ENTPD1: variants seen among roughly 807,000 people sequenced by gnomAD.
The protein encoded by ENTPD1 is ectonucleoside triphosphate diphosphohydrolase 1.
A neutral mutation model predicts 57.0 loss-of-function variants in ENTPD1; 33 were observed. The ratio of observed to expected loss-of-function variants is 0.58; its 90% confidence interval spans 0.44 to 0.77. ENTPD1 has a LOEUF of 0.77. ENTPD1 is among the 30% of genes least tolerant of loss of function. ENTPD1 has a pLI of 0.00. For synonymous variants in ENTPD1, 202 were observed against 218.8 expected (o/e 0.92, Z 0.68); for missense variants, 501 against 603.4 (o/e 0.83, Z 1.78).
intron 3 of ENTPD1, among the ~76,000 whole-genome samples, chr10:95,841,338 G>C (rs990650162): frequency 6.6e-6 from 1 of 151,980 alleles, no homozygotes; most frequent in Non-Finnish European, 1.5e-5. Flanking sequence ...AGTTAGCCGA[G>C]ATCGCGCCAC....
rs951162557 is a variant in ENTPD1, at chr10:95,876,439, G to C, written c.*10056G>C. 8.1e-7 allele frequency: 1 copy of C among 1,231,202 alleles called. No individual in the cohort carries two copies. 76.3% of individuals were successfully genotyped at this position (1,231,202 alleles called of 1,614,324 possible). On this transcript the variant is annotated 3_prime_UTR_variant, in exon 10 of 10. Transcript: ENST00000371205. The stretch of plus-strand genomic sequence containing the variant: ...TTTCTCCTCGGTTCTGCAATCTATA[G>C]GCATACCATAATTGTAATCAATAGC...
chr10:95,708,485 T>C (rs977744172), upstream of ENTPD1, among the ~76,000 whole-genome samples: 2 of 152,230 alleles, frequency 1.3e-5, no homozygotes, highest in Non-Finnish European at 2.9e-5. Context: ...GTGCTGGGAT[T>C]ACAGGCATGA....
chr10:95,839,335 TA>T, intron 2 of ENTPD1: 1 of 322,608 alleles, frequency 3.1e-6, no homozygotes, highest in South Asian at 2.9e-5. Context: ...TTGGGGACTA[TA>T]GATTAATGGC....
chr10:95,816,242 A>T (rs931462963), intron 1 of ENTPD1, among the ~76,000 whole-genome samples: 1 of 152,174 alleles, frequency 6.6e-6, no homozygotes. Context: ...ATAACTGTCA[A>T]ACCATCACCT....
rs1447601807 is a variant in ENTPD1 at position 95,868,212 on chromosome 10, C to A, written c.*1829C>A. The A allele has an allele frequency of 1.0e-6, 1 of 985,356 alleles. No individual in the cohort carries two copies. The allele number at this position is 985,356 out of a possible 1,614,324, so 61.0% of individuals were successfully genotyped here. A position where few individuals can be genotyped will look rare whatever the true frequency, so the allele number is the denominator to read the frequency against. ...GCCCAAATGGCTGAGCCAAAGCCTA[C>A]CATGTACCTAACCTTTATTTTCTTT... is the stretch of plus-strand genomic sequence containing the variant. On this transcript the variant is annotated 3_prime_UTR_variant, in exon 10 of 10. Transcript: ENST00000371205.
At position 95,819,250 on chromosome 10, in the gene ENTPD1, G is replaced by A. The variant is rs532895094; in HGVS notation, c.17-3987G>A. 2.0e-5 allele frequency among the ~76,000 whole-genome samples: 3 copies of A among 152,190 alleles called. No individual in the cohort carries two copies. The South Asian group carries it at 6.2e-4, about 32-fold the overall frequency. On this transcript the variant is annotated intron_variant, in intron 1 of 9. Transcript: ENST00000371205. The stretch of plus-strand genomic sequence containing the variant: ...GTGATCTTGGCTCACTACAACCTCG[G>A]TGTCCTGGGCTCAAGCGATCCTCTC...
Position 95,771,589 on chromosome 10 carries a change from G to T in ENTPD1, c.16+15334G>T, listed in dbSNP as rs2098116069. ...TATAGCATTTCAGCCTCCTTTTAGT[G>T]ATGTCCCGTATGACTCCTTGGACCT... On this transcript the variant is annotated intron_variant, in intron 1 of 9. Coordinates refer to ENST00000371205, the MANE Select transcript of ENTPD1 (RefSeq NM_001776.6). Among the ~76,000 whole-genome samples the T allele has an allele frequency of 2.6e-5, 4 of 152,206 alleles. No homozygotes were observed. The South Asian group carries it at 8.3e-4, about 32-fold the overall frequency.
In ENTPD1 at chr10:95,872,730, T is replaced by G; in HGVS notation, c.*6347T>G. On this transcript the variant is annotated 3_prime_UTR_variant, in exon 10 of 10. Transcript: ENST00000371205. ...CCTCCCTGTCCACTGCCAGGCCGAC[T>G]ACAAACCCTTCTGTTGCTGGCGAGC... is the stretch of plus-strand genomic sequence containing the variant. The G allele has an allele frequency of 1.0e-6, 1 of 985,452 alleles. No homozygotes were observed. Among genetic ancestry groups the G allele is most frequent in the Non-Finnish European group, 1.2e-6 (1 of 829,930 alleles). The allele number at this position is 985,452 out of a possible 1,614,324, so 61.0% of individuals were successfully genotyped here. A position where few individuals can be genotyped will look rare whatever the true frequency, so the allele number is the denominator to read the frequency against.
intron 1 of ENTPD1, among the ~76,000 whole-genome samples, chr10:95,776,902 C>T (rs1425509580): frequency 6.6e-6 from 1 of 152,152 alleles, no homozygotes; most frequent in Non-Finnish European, 1.5e-5. Context: ...ATCACTGATA[C>T]CCTTTCTTCC....
At chr10:95,709,220 CT>C (rs2097963691), upstream of ENTPD1, among the ~76,000 whole-genome samples, 3 of 152,168 alleles carry the variant, frequency 2.0e-5, no homozygotes, top group African/African-American at 7.2e-5. Flanking sequence ...ACCCACCAAT[CT>C]TCAAGATTTC....
At chr10:95,718,948 G>A (rs954940807) in intron 1 of ENTPD1, among the ~76,000 whole-genome samples, 8 of 152,222 alleles carry the variant, frequency 5.3e-5, no homozygotes, top group African/African-American at 1.9e-4. Context: ...AGTTGCACAA[G>A]TGTGCAGTTG....
chr10:95,829,268 C>T (rs1387764514), intron 2 of ENTPD1, among the ~76,000 whole-genome samples: 1 of 152,150 alleles, frequency 6.6e-6, no homozygotes, highest in Non-Finnish European at 1.5e-5. Context: ...GCCACTGAGG[C>T]TTGATCCTCC....
chr10:95,765,756 C>T (rs559590230), intron 1 of ENTPD1, among the ~76,000 whole-genome samples: 2 of 152,266 alleles, frequency 1.3e-5, no homozygotes, highest in South Asian at 4.1e-4. Context: ...ATTGCATCAA[C>T]TGTAAATCTA....
At chr10:95,736,744 C>T (rs1483067614) in intron 1 of ENTPD1, among the ~76,000 whole-genome samples, 2 of 152,134 alleles carry the variant, frequency 1.3e-5, no homozygotes, top group Non-Finnish European at 2.9e-5. Context: ...TTCATTTATG[C>T]ACATCGGGGG....
rs1013083505 is a variant in ENTPD1, at chr10:95,874,420, T to C, written c.*8037T>C. Among the ~76,000 whole-genome samples, 1 of 152,206 alleles carries C rather than the reference T, an allele frequency of 6.6e-6. No individual in the cohort carries two copies. Among genetic ancestry groups the C allele is most frequent in the Non-Finnish European group, 1.5e-5 (1 of 68,018 alleles). Reference sequence around the variant, plus strand: ...ATTCAGGTCATGCTGATGCAAGAGATAGGTTCCCATGGTCTTGTGCAGCTC... The same window carrying C: ...ATTCAGGTCATGCTGATGCAAGAGACAGGTTCCCATGGTCTTGTGCAGCTC... On this transcript the variant is annotated 3_prime_UTR_variant, in exon 10 of 10. Coordinates refer to ENST00000371205, the MANE Select transcript of ENTPD1 (RefSeq NM_001776.6).
intron 1 of ENTPD1, among the ~76,000 whole-genome samples, chr10:95,784,585 G>A (rs1012399945): frequency 2.0e-5 from 3 of 152,138 alleles, no homozygotes; most frequent in African/African-American, 4.8e-5. Flanking sequence ...ATTGCTATAT[G>A]GCTTTCTGCA....
At chr10:95,747,744 T>G (rs756144857) in intron 1 of ENTPD1, among the ~76,000 whole-genome samples, 1 of 152,232 alleles carries the variant, frequency 6.6e-6, no homozygotes, top group East Asian at 1.9e-4. Context: ...GAAACCTTGA[T>G]ATTGCTGCCT....
chr10:95,825,635 T>C (rs972984942), intron 2 of ENTPD1, among the ~76,000 whole-genome samples: 1 of 152,254 alleles, frequency 6.6e-6, no homozygotes, highest in African/African-American at 2.4e-5. Flanking sequence ...TGGAGTGCAG[T>C]GGCACGATCT....
intron 1 of ENTPD1, among the ~76,000 whole-genome samples, chr10:95,771,750 T>C (rs11188479): frequency 0.055 from 8,338 of 152,296 alleles, 269 homozygotes; most frequent in South Asian, 0.087. Context: ...ACTTCTCAGA[T>C]ACATTTTCTC....
Sources: allele counts gnomAD v4.1 joint callset (sites outside exome capture counted in the v4.1 genomes callset), GRCh38; gene constraint gnomAD v4.1.1; transcripts MANE v1.5; gene names NCBI Gene and HGNC (gene_info 2026-07-23, HGNC 2026-07-21).